Variants in LHFPL2 observed in about 807,000 individuals in gnomAD.
LHFPL2 encodes the protein LHFPL tetraspan subfamily member 2 protein.
A neutral mutation model predicts 17.5 loss-of-function variants in LHFPL2; 7 were observed. The observed-to-expected ratio is 0.40, with a 90% CI of 0.23 to 0.75. The LOEUF is 0.75. Ranked by LOEUF, LHFPL2 falls within the 30% of genes least tolerant of loss-of-function variation. The pLI, the probability that LHFPL2 is intolerant of heterozygous loss-of-function variation, is 0.37. For synonymous variants in LHFPL2, 134 were observed against 116.2 expected (o/e 1.15, Z -0.99); for missense variants, 241 against 294.8 (o/e 0.82, Z 1.34).
At chr5:78,580,920 C>G (rs1260495841) in intron 2 of LHFPL2, among the ~76,000 whole-genome samples, 4 of 152,164 alleles carry the variant, frequency 2.6e-5, no homozygotes, top group Non-Finnish European at 4.4e-5. Context: ...GGCATTGAAT[C>G]TACAAATTAC....
intron 2 of LHFPL2, among the ~76,000 whole-genome samples, chr5:78,616,595 G>A (rs1485940091): frequency 6.6e-6 from 1 of 152,206 alleles, no homozygotes; most frequent in Non-Finnish European, 1.5e-5. Flanking sequence ...TCAGTGTGCT[G>A]ATGTGTCCCA....
rs574964593 is a variant in LHFPL2 at position 78,527,483 on chromosome 5, A to T, written c.-185-17085T>A. On this transcript the variant is annotated intron_variant, in intron 3 of 4. Coordinates refer to ENST00000380345, the MANE Select transcript of LHFPL2 (RefSeq NM_005779.3). The stretch of plus-strand genomic sequence containing the variant: ...AGATTGCCCCCTGGGTGGTACAGTC[A>T]ACAGCCACTGCTCAGAATGACTTTT... Among the ~76,000 whole-genome samples the T allele has an allele frequency of 5.9e-5, 9 of 151,318 alleles. No homozygotes were observed. In the South Asian group the frequency reaches 1.9e-3, roughly 32 times the overall value.
At chr5:78,596,818 T>A (rs1743842117) in intron 2 of LHFPL2, among the ~76,000 whole-genome samples, 1 of 54,752 alleles carries the variant, frequency 1.8e-5, no homozygotes, top group East Asian at 3.5e-4. Context: ...AAAATACAAA[T>A]CTTCCTTTGA....
intron 3 of LHFPL2, among the ~76,000 whole-genome samples, chr5:78,531,785 G>C (rs571262229): frequency 3.5e-4 from 53 of 152,288 alleles, no homozygotes; most frequent in Admixed American, 2.9e-3. Flanking sequence ...TCTTGAGACA[G>C]GGTCTCGATC....
intron 2 of LHFPL2, among the ~76,000 whole-genome samples, chr5:78,584,063 A>C (rs1374030490): frequency 6.6e-6 from 1 of 151,706 alleles, no homozygotes; most frequent in African/African-American, 2.4e-5. Context: ...CCTTTCTTCC[A>C]GTTGATCGCA....
At chr5:78,533,486 A>G (rs1755847647) in intron 3 of LHFPL2, among the ~76,000 whole-genome samples, 1 of 152,212 alleles carries the variant, frequency 6.6e-6, no homozygotes, top group Non-Finnish European at 1.5e-5. Flanking sequence ...TGGGCGGTGT[A>G]GGATGCTATG....
chr5:78,536,576 C>CA (rs1461600100), intron 3 of LHFPL2, among the ~76,000 whole-genome samples: 1 of 152,216 alleles, frequency 6.6e-6, no homozygotes, highest in Non-Finnish European at 1.5e-5. Flanking sequence ...TTTTACCTCA[C>CA]AGTTTCCACA....
At chr5:78,532,454 G>T (rs186281324) in intron 3 of LHFPL2, among the ~76,000 whole-genome samples, 1 of 152,256 alleles carries the variant, frequency 6.6e-6, no homozygotes, top group East Asian at 1.9e-4. Flanking sequence ...CTTAGGGAAT[G>T]AAAGTCCTGT....
intron 3 of LHFPL2, among the ~76,000 whole-genome samples, chr5:78,545,251 C>T (rs1451525271): frequency 6.6e-6 from 1 of 152,176 alleles, no homozygotes; most frequent in Non-Finnish European, 1.5e-5. Context: ...GTCCCCCTTA[C>T]CCAACACATT....
intron 2 of LHFPL2, among the ~76,000 whole-genome samples, chr5:78,616,974 G>A (rs1183841089): frequency 6.6e-6 from 1 of 152,144 alleles, no homozygotes; most frequent in African/African-American, 2.4e-5. Flanking sequence ...AAAATCTGAA[G>A]TGTCACAAGT....
intron 1 of LHFPL2, among the ~76,000 whole-genome samples, chr5:78,637,847 C>A (rs1745509521): frequency 6.6e-6 from 1 of 152,182 alleles, no homozygotes; most frequent in Non-Finnish European, 1.5e-5. Flanking sequence ...TGGGCACAGT[C>A]AAGCTTGAGA....
rs1473192130 is a variant in LHFPL2 at position 78,576,462 on chromosome 5, C to T, written c.-244-11591G>A. Among the ~76,000 whole-genome samples, 4 of 152,176 alleles carry T rather than the reference C, an allele frequency of 2.6e-5. No homozygotes were observed. In the East Asian group the frequency reaches 7.7e-4, roughly 29 times the overall value. The stretch of plus-strand genomic sequence containing the variant: ...ACCTTTATCAGCCTTAAATTTCTCC[C>T]ATTCCTAAAAAAACAAGTCCTCCCC... On this transcript the variant is annotated intron_variant, in intron 2 of 4. Coordinates refer to ENST00000380345, the MANE Select transcript of LHFPL2 (RefSeq NM_005779.3).
At chr5:78,619,289 AAGTGCTGGGATTAC>A (rs1744739746) in intron 2 of LHFPL2, among the ~76,000 whole-genome samples, 1 of 152,018 alleles carries the variant, frequency 6.6e-6, no homozygotes, top group Admixed American at 6.5e-5. Context: ...TGGCCTCCCA[AAGTGCTGGGATTAC>A]AGGAGTGAGC....
intron 2 of LHFPL2, among the ~76,000 whole-genome samples, chr5:78,616,418 CGT>C (rs1744617509): frequency 6.6e-6 from 1 of 152,120 alleles, no homozygotes; most frequent in East Asian, 1.9e-4. Flanking sequence ...TGAACCACCG[CGT>C]CCATCCTCTT....
rs190417294 is a variant in LHFPL2 at position 78,609,406 on chromosome 5, G to A, written c.-245+22858C>T. Among the ~76,000 whole-genome samples the A allele has an allele frequency of 4.6e-5, 6 of 129,426 alleles. No homozygotes were observed. In the East Asian group the frequency reaches 1.3e-3, roughly 29 times the overall value. 84.9% of individuals were successfully genotyped at this position (129,426 alleles called of 152,430 possible). On this transcript the variant is annotated intron_variant, in intron 2 of 4. Coordinates refer to ENST00000380345, the MANE Select transcript of LHFPL2 (RefSeq NM_005779.3). ...GCAGAGGTTAAGGTGAGCCGAGATC[G>A]AGCCACTGCACTTTAGCCTGGGAAA...
intron 3 of LHFPL2, among the ~76,000 whole-genome samples, chr5:78,563,700 CAAAAAAA>C (rs1198192351): frequency 1.1e-5 from 1 of 93,330 alleles, no homozygotes; most frequent in Non-Finnish European, 2.5e-5. Context: ...GACTCCACTT[CAAAAAAA>C]AAAAAAAAAA....
intron 3 of LHFPL2, among the ~76,000 whole-genome samples, chr5:78,513,684 G>A (rs1189462111): frequency 1.3e-5 from 2 of 152,152 alleles, no homozygotes; most frequent in African/African-American, 4.8e-5. Context: ...TGTTCTCATG[G>A]TAGTGAATAA....
At chr5:78,585,921 C>G (rs907724938) in intron 2 of LHFPL2, among the ~76,000 whole-genome samples, 1 of 152,180 alleles carries the variant, frequency 6.6e-6, no homozygotes, top group African/African-American at 2.4e-5. Context: ...ACAAGCCGTT[C>G]ACGTACTACC....
At chr5:78,552,660 CA>C (rs1403187380) in intron 3 of LHFPL2, among the ~76,000 whole-genome samples, 1 of 152,172 alleles carries the variant, frequency 6.6e-6, no homozygotes, top group African/African-American at 2.4e-5. Context: ...AGAACTACTG[CA>C]GGGGGGAAAG....
Sources: allele counts gnomAD v4.1 joint callset (sites outside exome capture counted in the v4.1 genomes callset), GRCh38; gene constraint gnomAD v4.1.1; transcripts MANE v1.5; gene names NCBI Gene and HGNC (gene_info 2026-07-23, HGNC 2026-07-21).